MYH11: variants seen among roughly 807,000 people sequenced by gnomAD.
MYH11 encodes the protein myosin heavy chain 11, also known as myosin-11.
In MYH11, 80 loss-of-function variants were observed where a neutral mutation model predicts 246.6. That is an observed-to-expected ratio of 0.32 (90% CI 0.27 to 0.39). The LOEUF (loss-of-function observed/expected upper bound fraction) is 0.39, where lower values mean the gene tolerates loss of function less well. MYH11 is among the 10% of genes least tolerant of loss of function. The pLI, the probability that MYH11 is intolerant of heterozygous loss-of-function variation, is 1.00. For synonymous variants in MYH11, 1,071 were observed against 1,015.5 expected, an observed-to-expected ratio of 1.05 and a Z score of -1.04; for missense variants, 2,158 against 2,546.8, an observed-to-expected ratio of 0.85 and a Z score of 3.29.
intron 2 of MYH11, among the ~76,000 whole-genome samples, chr16:15,835,608 T>C (rs1208007520): frequency 6.6e-6 from 1 of 152,196 alleles, no homozygotes; most frequent in East Asian, 1.9e-4. Context: ...ATCTTACTAG[T>C]AAAATCAAAA....
chr16:15,794,000 G>C (rs1304023182), intron 4 of MYH11, among the ~76,000 whole-genome samples: 9 of 128,870 alleles, frequency 7.0e-5, no homozygotes, highest in Admixed American at 1.7e-4. Context: ...CTGGAGTGCA[G>C]TGGTGCGATC....
chr16:15,805,990 G>A (rs2043001098), intron 3 of MYH11, among the ~76,000 whole-genome samples: 1 of 151,850 alleles, frequency 6.6e-6, no homozygotes, highest in Non-Finnish European at 1.5e-5. Context: ...AGTGAAAGAA[G>A]CTAGCCGGCT....
intron 6 of MYH11, 37 bp from the exon 7 acceptor site, chr16:15,778,880 CAACTTCAGCCGTT>C: frequency 6.2e-7 from 1 of 1,604,708 alleles, no homozygotes; most frequent in Non-Finnish European, 8.5e-7. Context: ...CTTTGCTGCC[CAACTTCAGCCGTT>C]AACCCCATGC....
intron 3 of MYH11, among the ~76,000 whole-genome samples, chr16:15,806,792 A>G (rs2043024009): frequency 8.7e-6 from 1 of 114,396 alleles, no homozygotes; most frequent in South Asian, 2.3e-4. Flanking sequence ...AATGCCTGAC[A>G]CACAGTAGGT....
At chr16:15,733,101 G>C in intron 26 of MYH11, 1 of 278,944 alleles carries the variant, frequency 3.6e-6, no homozygotes, top group South Asian at 4.5e-5. Flanking sequence ...AAAGAGGCAG[G>C]TGTGTTATTA....
intron 11 of MYH11, among the ~76,000 whole-genome samples, chr16:15,760,078 C>T (rs1044266311): frequency 2.0e-5 from 3 of 151,920 alleles, no homozygotes; most frequent in East Asian, 2.0e-4. Context: ...CCCTGGGCAA[C>T]AGAGCAAGGC....
At chr16:15,763,684 G>T in intron 10 of MYH11, 112 bp downstream of exon 10, 1 of 915,290 alleles carries the variant, frequency 1.1e-6, no homozygotes. Context: ...TAGTCCAACT[G>T]TTGTTAAAAT....
rs1013396074 is a variant in MYH11, at chr16:15,718,811, G to T, written c.5172-373C>A. 1.7e-5 allele frequency: 7 copies of T among 407,772 alleles called. No homozygotes were observed. The East Asian group carries it at 3.7e-4, about 22-fold the overall frequency. 25.3% of individuals were successfully genotyped at this position (407,772 alleles called of 1,614,324 possible). On this transcript the variant is annotated intron_variant, in intron 36 of 40. Coordinates refer to ENST00000300036, the MANE Select transcript of MYH11 (RefSeq NM_002474.3). ...GGGTCTGTCCCCAATCTCAGAGGACGCTTCGTCAGCAGCAGCATTGAAATG... is the reference window on the plus strand; with the variant it reads ...GGGTCTGTCCCCAATCTCAGAGGACTCTTCGTCAGCAGCAGCATTGAAATG...
intron 1 of MYH11, among the ~76,000 whole-genome samples, chr16:15,852,818 G>A (rs2044364395): frequency 6.6e-6 from 1 of 152,044 alleles, no homozygotes; most frequent in African/African-American, 2.4e-5. Context: ...AAGCCTATCG[G>A]GGTCTTGAAA....
In MYH11 at chr16:15,781,310, T is replaced by C. The variant is rs1038087647; in HGVS notation, c.726+1075A>G. 3.3e-5 allele frequency among the ~76,000 whole-genome samples: 5 copies of C among 152,198 alleles called. 1 individual carries two copies. The highest frequency in any genetic ancestry group is 1.2e-4 in the African/African-American group (5 of 41,450). Reference sequence around the variant, plus strand: ...TTCATCTAATACGTGTAGGAGGTGATACTATCTATGATTCTAATTTCGGGC... The same window carrying C: ...TTCATCTAATACGTGTAGGAGGTGACACTATCTATGATTCTAATTTCGGGC... On this transcript the variant is annotated intron_variant, in intron 6 of 40. Coordinates refer to ENST00000300036, the MANE Select transcript of MYH11 (RefSeq NM_002474.3).
At chr16:15,756,145 C>G (rs1344842846) in intron 14 of MYH11, among the ~76,000 whole-genome samples, 196 bp downstream of exon 14, 1 of 152,228 alleles carries the variant, frequency 6.6e-6, no homozygotes, top group Admixed American at 6.5e-5. Flanking sequence ...GGTTGGAAAA[C>G]ATGAGAGTGG....
At chr16:15,763,741 T>TCCGGGCCCCCCCCCCCCC in intron 10 of MYH11, 55 bp downstream of exon 10, 1 of 646,860 alleles carries the variant, frequency 1.5e-6, no homozygotes, top group Non-Finnish European at 2.9e-6. Flanking sequence ...AAATGTCACC[T>TCCGGGCCCCCCCCCCCCC]CCCCCACCCC....
In MYH11 at chr16:15,719,214, T is replaced by G; in HGVS notation, c.5171+6A>C. 6.2e-7 allele frequency: 1 copy of G among 1,613,414 alleles called. No individual in the cohort carries two copies. The highest frequency in any genetic ancestry group is 8.5e-7 in the Non-Finnish European group (1 of 1,179,830). ...CAGAGCCCTCTTCCTCCATTCAGTT[T>G]CCTACCTTCCCGACAGGCTACTGGC... is the stretch of plus-strand genomic sequence containing the variant. On this transcript the variant is annotated splice_donor_region_variant and intron_variant, in intron 36 of 40. Transcript: ENST00000300036.
chr16:15,829,887 C>T (rs2043684963), intron 2 of MYH11, among the ~76,000 whole-genome samples: 2 of 152,194 alleles, frequency 1.3e-5, no homozygotes, highest in African/African-American at 2.4e-5. Flanking sequence ...GTAATCCCGG[C>T]ACTTTGGGAG....
chr16:15,782,366 A>C lies in MYH11; in HGVS notation c.726+19T>G. 1 of 1,609,884 alleles carries C rather than the reference A, an allele frequency of 6.2e-7. No homozygotes were observed. The highest frequency in any genetic ancestry group is 1.7e-5 in the Admixed American group (1 of 60,020). On this transcript the variant is annotated intron_variant, in intron 6 of 40. Transcript: ENST00000300036. ...ACACCAAAGCTTTTCTGGAAAATCC[A>C]TGTGGCTTTGCTACTTACGAATCGT...
intron 40 of MYH11, chr16:15,712,777 T>C (rs975782659): frequency 6.9e-6 from 1 of 145,712 alleles, no homozygotes; most frequent in African/African-American, 2.5e-5. Context: ...CTGCGTCACG[T>C]GCTGCTGCCC....
At chr16:15,839,701 A>T (rs1397827406) in intron 1 of MYH11, among the ~76,000 whole-genome samples, 1 of 151,052 alleles carries the variant, frequency 6.6e-6, no homozygotes, top group Non-Finnish European at 1.5e-5. Context: ...CTCGAAAAAA[A>T]AAAAAAGTAA....
chr16:15,785,791 G>T (rs2042454647), intron 5 of MYH11: 1 of 153,952 alleles, frequency 6.5e-6, no homozygotes, highest in Non-Finnish European at 1.4e-5. Flanking sequence ...GGGCCCTAGA[G>T]GTGATGACTC....
rs558010405 is a variant in MYH11 at position 15,703,763 on chromosome 16, A to G, written c.*228T>C. On this transcript the variant is annotated 3_prime_UTR_variant, in exon 41 of 41. Coordinates refer to ENST00000300036, the MANE Select transcript of MYH11 (RefSeq NM_002474.3). ...ACCACCACGCCCAGCTTATTTTTAA[A>G]TTCTTGTATAGATGAGGTTTTACTA... 6.6e-4 allele frequency: 387 copies of G among 586,018 alleles called. 1 individual carries two copies. Among genetic ancestry groups the G allele is most frequent in the Non-Finnish European group, 9.9e-4 (326 of 330,946 alleles). 36.3% of individuals were successfully genotyped at this position (586,018 alleles called of 1,614,324 possible). A position where few individuals can be genotyped will look rare whatever the true frequency, so the allele number is the denominator to read the frequency against.
Sources: allele counts gnomAD v4.1 joint callset (sites outside exome capture counted in the v4.1 genomes callset), GRCh38; gene constraint gnomAD v4.1.1; transcripts MANE v1.5; gene names NCBI Gene and HGNC (gene_info 2026-07-23, HGNC 2026-07-21).